ZDHHC15: variants seen among roughly 807,000 people sequenced by gnomAD.
The protein encoded by ZDHHC15 is zDHHC palmitoyltransferase 15, also known as palmitoyltransferase ZDHHC15.
Under a neutral mutation model 31.7 loss-of-function variants are expected in ZDHHC15, and 19 were observed. The ratio of observed to expected loss-of-function variants is 0.60; its 90% CI spans 0.42 to 0.88. The LOEUF (loss-of-function observed/expected upper bound fraction) is 0.88. Ranked by LOEUF, ZDHHC15 falls within the 40% of genes least tolerant of loss-of-function variation. The pLI is 0.00. For synonymous variants in ZDHHC15, 103 were observed against 90.0 expected, an observed-to-expected ratio of 1.14 and a Z score of -0.82; for missense variants, 209 against 251.2, an observed-to-expected ratio of 0.83 and a Z score of 1.14.
intron 3 of ZDHHC15, among the ~76,000 whole-genome samples, chrX:75,463,453 T>C (rs2084351833): frequency 9.0e-6 from 1 of 110,826 alleles, no homozygotes; most frequent in South Asian, 3.8e-4. Flanking sequence ...ATACAACAAA[T>C]TCTGCACAGC....
At position 75,417,358 on chromosome X, in the gene ZDHHC15, C is replaced by T. The variant is rs5938062; in HGVS notation, c.864-168G>A. Among the ~76,000 whole-genome samples the T allele has an allele frequency of 2.6e-3, 290 of 111,835 alleles. 3 individuals carry two copies. The highest frequency in any genetic ancestry group is 4.4e-3 in the Non-Finnish European group (233 of 53,228). On this transcript the variant is annotated intron_variant, in intron 9 of 11. Coordinates refer to ENST00000373367, the MANE Select transcript of ZDHHC15 (RefSeq NM_144969.3). Reference sequence around the variant, plus strand: ...AGCATTATTTAGTTGCTATATTGCTCTCGATTTCCATATCTTATTTGTGTG... The same window carrying T: ...AGCATTATTTAGTTGCTATATTGCTTTCGATTTCCATATCTTATTTGTGTG...
At chrX:75,388,373 C>T (rs764456302) in intron 10 of ZDHHC15, among the ~76,000 whole-genome samples, 15 of 111,753 alleles carry the variant, frequency 1.3e-4, no homozygotes, top group Admixed American at 2.8e-4. Flanking sequence ...CTGAAGAAAC[C>T]TGTTAAAAGA....
intron 1 of ZDHHC15, among the ~76,000 whole-genome samples, chrX:75,506,851 A>G (rs1048612700): frequency 1.8e-5 from 2 of 111,982 alleles, no homozygotes; most frequent in African/African-American, 6.5e-5. Flanking sequence ...ATTAATAAGG[A>G]GGAGCTGATA....
intron 1 of ZDHHC15, among the ~76,000 whole-genome samples, chrX:75,513,710 TA>T (rs1389690359): frequency 9.0e-6 from 1 of 111,179 alleles, no homozygotes; most frequent in Non-Finnish European, 1.9e-5. Context: ...AAATGATGGC[TA>T]AAAAACTTCA....
intron 3 of ZDHHC15, among the ~76,000 whole-genome samples, chrX:75,462,736 C>T (rs577138141): frequency 9.0e-6 from 1 of 111,524 alleles, no homozygotes; most frequent in East Asian, 2.8e-4. Flanking sequence ...AACCAAAAGA[C>T]AATGTACCAG....
At chrX:75,513,139 A>G (rs1379352583) in intron 1 of ZDHHC15, among the ~76,000 whole-genome samples, 1 of 110,622 alleles carries the variant, frequency 9.0e-6, no homozygotes, top group African/African-American at 3.3e-5. Flanking sequence ...AAATCAATTC[A>G]AGATGGATTA....
intron 1 of ZDHHC15, among the ~76,000 whole-genome samples, chrX:75,511,649 G>A (rs547501189): frequency 9.4e-6 from 1 of 106,432 alleles, no homozygotes; most frequent in African/African-American, 3.4e-5. Context: ...TGAAGTCCTT[G>A]CCCACGCCTA....
chrX:75,494,181 T>C (rs1428503098), intron 2 of ZDHHC15, among the ~76,000 whole-genome samples: 21 of 111,129 alleles, frequency 1.9e-4, no homozygotes, highest in African/African-American at 5.9e-4. Flanking sequence ...CTCCCATTCA[T>C]AATTGCTTCA....
intron 11 of ZDHHC15, among the ~76,000 whole-genome samples, chrX:75,374,633 A>C (rs1052735741): frequency 1.9e-5 from 2 of 108,097 alleles, no homozygotes; most frequent in Non-Finnish European, 3.8e-5. Context: ...TCTGATATCC[A>C]TTAATAGATG....
chrX:75,502,227 T>C (rs1312063564), intron 2 of ZDHHC15: 1 of 111,714 alleles, frequency 9.0e-6, no homozygotes, highest in Non-Finnish European at 1.9e-5. Flanking sequence ...TGTCTTCACA[T>C]GGTCTTCCTT....
intron 9 of ZDHHC15, among the ~76,000 whole-genome samples, chrX:75,417,732 G>A (rs931581625): frequency 1.8e-5 from 2 of 111,788 alleles, no homozygotes; most frequent in Non-Finnish European, 3.8e-5. Context: ...TTATCCACAT[G>A]TGGGGTCTCG....
intron 10 of ZDHHC15, among the ~76,000 whole-genome samples, chrX:75,415,021 G>A (rs1008963522): frequency 7.3e-5 from 8 of 108,999 alleles, no homozygotes; most frequent in East Asian, 2.9e-4. Flanking sequence ...TGATCTGCCC[G>A]CCTCAGCCTC....
At chrX:75,379,021 T>C (rs1409403383) in intron 11 of ZDHHC15, 99 bp downstream of exon 11, 3 of 620,040 alleles carry the variant, frequency 4.8e-6, no homozygotes, top group African/African-American at 2.3e-5. Flanking sequence ...AAAATCTTTT[T>C]CACCCAGGAT....
At chrX:75,513,808 C>T (rs937559442) in intron 1 of ZDHHC15, among the ~76,000 whole-genome samples, 2 of 110,369 alleles carry the variant, frequency 1.8e-5, no homozygotes, top group African/African-American at 3.3e-5. Flanking sequence ...CACAATCAGA[C>T]ACATTATAGT....
chrX:75,429,009 G>T, intron 7 of ZDHHC15, 69 bp downstream of exon 7: 1 of 1,168,107 alleles, frequency 8.6e-7, no homozygotes, highest in Non-Finnish European at 1.2e-6. Flanking sequence ...GATAGAGGGT[G>T]AACAATGTCA....
intron 4 of ZDHHC15, among the ~76,000 whole-genome samples, chrX:75,442,573 G>C (rs986360941): frequency 2.4e-4 from 27 of 111,804 alleles, no homozygotes; most frequent in African/African-American, 7.2e-4. Flanking sequence ...AATAAAATAC[G>C]TAGGAATCCA....
At chrX:75,429,234 C>G (rs780909173) in intron 6 of ZDHHC15, 36 bp from the exon 7 acceptor site, 2 of 1,182,541 alleles carry the variant, frequency 1.7e-6, no homozygotes, top group African/African-American at 3.6e-5. Context: ...ACATCAGGAC[C>G]TCTTGATTGA....
chrX:75,410,990 A>C (rs2083478781), intron 10 of ZDHHC15, among the ~76,000 whole-genome samples: 1 of 112,118 alleles, frequency 8.9e-6, no homozygotes, highest in African/African-American at 3.2e-5. Flanking sequence ...CCAAGCACAC[A>C]AAGACAAATA....
chrX:75,521,206 G>T (rs2085437110), intron 1 of ZDHHC15, among the ~76,000 whole-genome samples: 1 of 110,700 alleles, frequency 9.0e-6, no homozygotes, highest in Admixed American at 9.7e-5. Context: ...CAAACTAGAT[G>T]AATAGGGAAC....
Sources: allele counts gnomAD v4.1 joint callset (sites outside exome capture counted in the v4.1 genomes callset), GRCh38; gene constraint gnomAD v4.1.1; transcripts MANE v1.5; gene names NCBI Gene and HGNC (gene_info 2026-07-23, HGNC 2026-07-21).